Variants in NEDD4L observed in about 807,000 individuals in gnomAD.
The protein encoded by NEDD4L is NEDD4 like E3 ubiquitin protein ligase.
In NEDD4L, 54 loss-of-function variants were observed where a neutral mutation model predicts 148.9. That is an observed-to-expected ratio of 0.36 (90% confidence interval 0.29 to 0.45). NEDD4L has a LOEUF of 0.45. Among genes scored for constraint, NEDD4L ranks in the 20% least tolerant of loss-of-function variants. NEDD4L has a pLI of 1.00. For missense variants in NEDD4L, 856 were observed against 1,233.8 expected, an observed-to-expected ratio of 0.69 and a Z score of 4.59; for synonymous variants, 433 against 440.7, an observed-to-expected ratio of 0.98 and a Z score of 0.22.
At chr18:58,097,726 G>T (rs1241040430) in intron 1 of NEDD4L, among the ~76,000 whole-genome samples, 2 of 152,168 alleles carry the variant, frequency 1.3e-5, no homozygotes, top group Non-Finnish European at 2.9e-5. Context: ...AGGAAACAGT[G>T]AGAAGTATTA....
chr18:58,386,029 G>T (rs1888170477), intron 26 of NEDD4L, among the ~76,000 whole-genome samples: 1 of 149,666 alleles, frequency 6.7e-6, no homozygotes, highest in African/African-American at 2.5e-5. Context: ...GATCACTGCT[G>T]CCTGGGCTTG....
intron 5 of NEDD4L, among the ~76,000 whole-genome samples, chr18:58,267,925 A>G (rs2050454588): frequency 6.6e-6 from 1 of 152,078 alleles, no homozygotes; most frequent in Admixed American, 6.5e-5. Context: ...AGCGTTTTCC[A>G]GGAGCAAGGT....
intron 1 of NEDD4L, among the ~76,000 whole-genome samples, chr18:58,130,279 C>T (rs538041927): frequency 1.5e-5 from 2 of 137,716 alleles, no homozygotes; most frequent in South Asian, 4.8e-4. Context: ...TCTAGTGGAA[C>T]TGTGGCAGTG....
At chr18:58,065,234 T>C (rs1234620221) in intron 1 of NEDD4L, among the ~76,000 whole-genome samples, 1 of 152,252 alleles carries the variant, frequency 6.6e-6, no homozygotes, top group African/African-American at 2.4e-5. Flanking sequence ...CCCTGCTCTT[T>C]CCAATCTTTA....
Position 58,365,990 on chromosome 18 carries a change from T to C in NEDD4L, c.1834-9T>C. 1 of 1,580,018 alleles carries C rather than the reference T, an allele frequency of 6.3e-7. No homozygotes were observed. The highest frequency in any genetic ancestry group is 1.3e-5 in the African/African-American group (1 of 74,204). ...TATGATTATGTGTTTTCTTTTGTCT[T>C]TTGTGTAGGCTGATATCCCCAATAG... On this transcript the variant is annotated splice_polypyrimidine_tract_variant and intron_variant, in intron 20 of 30. Coordinates refer to ENST00000400345, the MANE Select transcript of NEDD4L (RefSeq NM_001144967.3).
Position 58,366,091 on chromosome 18 carries a change from T to C in NEDD4L, c.1926T>C (p.Asp642=). The change falls in exon 21 of 31, where the codon GAT becomes GAC. Residue 642 remains aspartate, a synonymous_variant. Transcript: ENST00000400345. This position sits in a 1 kb window ranked among gnomAD's most constrained non-coding sequence, Gnocchi z 4.2. ...GAATTATGTCCGTGAAAAGACCAGA[T>C]GTCCTAAAAGCTAGACTGTGGATTG... ...YRRIMSVKRP[D]VLKARLWIEF... 1.2e-6 allele frequency: 2 copies of C among 1,613,634 alleles called. No homozygotes were observed. Among genetic ancestry groups the C allele is most frequent in the Non-Finnish European group, 1.7e-6 (2 of 1,179,722 alleles).
intron 5 of NEDD4L, among the ~76,000 whole-genome samples, chr18:58,312,600 TC>T (rs2057823932): frequency 6.6e-6 from 1 of 152,154 alleles, no homozygotes; most frequent in Non-Finnish European, 1.5e-5. Context: ...TGCCTGCTCC[TC>T]CCTGTGGCAT....
chr18:58,049,304 C>T (rs1359379376), intron 1 of NEDD4L, among the ~76,000 whole-genome samples: 1 of 152,172 alleles, frequency 6.6e-6, no homozygotes, highest in Non-Finnish European at 1.5e-5. Flanking sequence ...AACTGGATGG[C>T]CGTCTGTAAG....
At chr18:58,173,658 T>C (rs2037767736) in intron 2 of NEDD4L, among the ~76,000 whole-genome samples, 1 of 152,216 alleles carries the variant, frequency 6.6e-6, no homozygotes, top group Non-Finnish European at 1.5e-5. Context: ...TTCCCTGAAG[T>C]ATTCAGAAGT....
At position 58,223,896 on chromosome 18, in the gene NEDD4L, G is replaced by A. The variant is rs184824727; in HGVS notation, c.123-21531G>A. Among the ~76,000 whole-genome samples the A allele has an allele frequency of 1.4e-3, 209 of 152,266 alleles. 1 individual carries two copies. Among genetic ancestry groups the A allele is most frequent in the Non-Finnish European group, 2.4e-3 (163 of 68,022 alleles). On this transcript the variant is annotated intron_variant, in intron 2 of 30. Transcript: ENST00000400345. ...CCCAAGGGTCACTCGACACACCCTC[G>A]TCTACAGTAAATATTTGTGCTTCCT...
chr18:58,356,375 C>A (rs2044659431), intron 18 of NEDD4L, among the ~76,000 whole-genome samples: 2 of 151,676 alleles, frequency 1.3e-5, no homozygotes, highest in East Asian at 1.9e-4. Flanking sequence ...CCCCCCGTAC[C>A]TTTCATGTGA....
At chr18:58,334,664 A>T (rs531215724) in intron 12 of NEDD4L, among the ~76,000 whole-genome samples, 2 of 152,290 alleles carry the variant, frequency 1.3e-5, no homozygotes, top group Non-Finnish European at 2.9e-5. Context: ...AAGACTAATA[A>T]TGTATTACGT....
chr18:58,370,089 C>G (rs1333600788), intron 22 of NEDD4L, among the ~76,000 whole-genome samples: 1 of 152,144 alleles, frequency 6.6e-6, no homozygotes, highest in Non-Finnish European at 1.5e-5. Context: ...CTTAGTGTGC[C>G]CTTTTCTCCC....
At chr18:58,150,417 G>A (rs1358674679) in intron 1 of NEDD4L, among the ~76,000 whole-genome samples, 1 of 152,180 alleles carries the variant, frequency 6.6e-6, no homozygotes, top group African/African-American at 2.4e-5. Context: ...GTAGTTACAG[G>A]GTTTCTCCAT....
Position 58,329,086 on chromosome 18 carries a change from G to T in NEDD4L, c.772G>T (p.Asp258Tyr). 2 of 1,614,052 alleles carry T rather than the reference G, an allele frequency of 1.2e-6. No homozygotes were observed. The highest frequency in any genetic ancestry group is 1.7e-6 in the Non-Finnish European group (2 of 1,179,902). Residue 258 changes from aspartate to tyrosine, a missense_variant, in exon 10 of 31, where the codon GAC becomes TAC. Coordinates refer to ENST00000400345, the MANE Select transcript of NEDD4L (RefSeq NM_001144967.3). ...RFRSRRHISEDLEPEPSEGGD... is the reference protein window; with the variant it reads ...RFRSRRHISEYLEPEPSEGGD... ...CCGCTCCCGCAGGCACATCAGCGAA[G>T]ACTTGGAGCCCGAGCCCTCGGAGGG...
At chr18:58,275,916 G>T (rs2051858689) in intron 5 of NEDD4L, among the ~76,000 whole-genome samples, 1 of 152,158 alleles carries the variant, frequency 6.6e-6, no homozygotes, top group African/African-American at 2.4e-5. Flanking sequence ...GAGCAGTCAG[G>T]TCCCATTTCC....
chr18:58,195,674 T>A (rs771420326), intron 2 of NEDD4L: 1 of 1,351,984 alleles, frequency 7.4e-7, no homozygotes, highest in Non-Finnish European at 9.8e-7. Context: ...ACCATCTGCA[T>A]CTAGACCTGC....
intron 1 of NEDD4L, among the ~76,000 whole-genome samples, chr18:58,085,700 G>A (rs977508220): frequency 2.6e-5 from 4 of 152,194 alleles, no homozygotes; most frequent in African/African-American, 4.8e-5. Context: ...CATTGATTCA[G>A]TATTTAGTGT....
chr18:58,390,999 G>A (rs1174674638), intron 29 of NEDD4L, among the ~76,000 whole-genome samples: 1 of 150,802 alleles, frequency 6.6e-6, no homozygotes, highest in East Asian at 1.9e-4. Flanking sequence ...TTTTTTCCTA[G>A]TTTAGTTTTT....
Sources: allele counts gnomAD v4.1 joint callset (sites outside exome capture counted in the v4.1 genomes callset), GRCh38; gene constraint gnomAD v4.1.1; non-coding constraint Gnocchi (gnomAD v3.1); transcripts MANE v1.5; gene names NCBI Gene and HGNC (gene_info 2026-07-23, HGNC 2026-07-21).